Variants in DNAH14 observed in about 807,000 individuals in gnomAD.
DNAH14 encodes the protein axonemal beta dynein heavy chain 14.
Under a neutral mutation model 520.9 loss-of-function variants are expected in DNAH14, and 478 were observed. That is an observed-to-expected ratio of 0.92 (90% CI 0.85 to 0.99). The LOEUF (loss-of-function observed/expected upper bound fraction) is 0.99. DNAH14 is among the 50% of genes least tolerant of loss of function. The pLI is 0.00. For synonymous variants in DNAH14, 1,581 were observed against 1,757.2 expected (o/e 0.90, Z 2.51); for missense variants, 4,831 against 5,234.5 (o/e 0.92, Z 2.38).
chr1:225,002,995 G>T, intron 9 of DNAH14, 68 bp downstream of exon 9: 1 of 1,278,186 alleles, frequency 7.8e-7, no homozygotes, highest in South Asian at 2.0e-5. Context: ...ATAGCATTTT[G>T]AATTAAAAAA....
At chr1:225,035,106 T>G (rs1024729725) in intron 11 of DNAH14, among the ~76,000 whole-genome samples, 3 of 152,116 alleles carry the variant, frequency 2.0e-5, no homozygotes, top group African/African-American at 7.2e-5. Context: ...GCTCTGATTT[T>G]GGTTATTTCT....
chr1:224,986,347 CA>C (rs1363926745), intron 8 of DNAH14, among the ~76,000 whole-genome samples: 1 of 133,100 alleles, frequency 7.5e-6, no homozygotes, highest in African/African-American at 2.8e-5. Flanking sequence ...AAGAAAACTA[CA>C]GGCCAATATC....
At chr1:225,095,310 T>C (rs905437490) in intron 21 of DNAH14, among the ~76,000 whole-genome samples, 5 of 151,710 alleles carry the variant, frequency 3.3e-5, no homozygotes, top group African/African-American at 9.7e-5. Flanking sequence ...AAGGGATATA[T>C]GCAGCCATAA....
At chr1:225,147,609 C>A (rs924540649) in intron 31 of DNAH14, among the ~76,000 whole-genome samples, 6 of 152,106 alleles carry the variant, frequency 3.9e-5, no homozygotes, top group African/African-American at 1.4e-4. Flanking sequence ...AGAACCCAAA[C>A]AAATGCTGCT....
At chr1:225,304,767 C>T (rs956419873) in intron 57 of DNAH14, 141 bp from the exon 58 acceptor site, 9 of 782,230 alleles carry the variant, frequency 1.2e-5, no homozygotes, top group African/African-American at 1.8e-5. Flanking sequence ...TTTTCTTTGT[C>T]CTGCTCATCC....
At chr1:225,128,326 A>C (rs1476581730) in intron 27 of DNAH14, among the ~76,000 whole-genome samples, 1 of 152,196 alleles carries the variant, frequency 6.6e-6, no homozygotes, top group Non-Finnish European at 1.5e-5. Context: ...TGAGGCCAGC[A>C]TCATCCTGAT....
chr1:225,004,985 A>C (rs2064055094), intron 9 of DNAH14, among the ~76,000 whole-genome samples: 1 of 152,180 alleles, frequency 6.6e-6, no homozygotes, highest in East Asian at 1.9e-4. Flanking sequence ...TCTTTGTTCA[A>C]ATCTTCACTT....
chr1:225,245,774 A>G (rs566159688), intron 43 of DNAH14, among the ~76,000 whole-genome samples: 159 of 152,300 alleles, frequency 1.0e-3, no homozygotes, highest in African/African-American at 3.3e-3. Flanking sequence ...GGAAGAATCA[A>G]TATCGTGAAA....
chr1:225,016,004 T>C (rs2065189116), intron 10 of DNAH14, among the ~76,000 whole-genome samples: 1 of 152,192 alleles, frequency 6.6e-6, no homozygotes, highest in Admixed American at 6.5e-5. Context: ...AATGAATTTT[T>C]TGGCATGATG....
intron 7 of DNAH14, among the ~76,000 whole-genome samples, chr1:224,970,308 C>T (rs2125620952): frequency 6.6e-6 from 1 of 152,278 alleles, no homozygotes; most frequent in Middle Eastern, 3.4e-3. Flanking sequence ...GTTGTCTGCT[C>T]TCAAACCCTG....
intron 16 of DNAH14, among the ~76,000 whole-genome samples, chr1:225,050,994 T>C (rs939243587): frequency 6.6e-6 from 1 of 152,180 alleles, no homozygotes; most frequent in African/African-American, 2.4e-5. Context: ...ATGCCACTTC[T>C]GATCTTGCAG....
At chr1:225,175,852 G>A (rs2083269872) in intron 36 of DNAH14, among the ~76,000 whole-genome samples, 1 of 151,796 alleles carries the variant, frequency 6.6e-6, no homozygotes, top group African/African-American at 2.4e-5. Flanking sequence ...TGCACCTCCA[G>A]GGTTCAAGCG....
rs2149091805 is a variant in DNAH14, at chr1:225,152,012, C to T, written c.4948C>T (p.Leu1650=). 1 of 1,551,422 alleles carries T rather than the reference C, an allele frequency of 6.4e-7. No homozygotes were observed. The highest frequency in any genetic ancestry group is 8.7e-7 in the Non-Finnish European group (1 of 1,146,766). Residue 1650 remains leucine (L), a synonymous_variant, in exon 32 of 86, where the codon CTG becomes TTG. Transcript: ENST00000682510. ...AKDNYSARFV[L]EGKEIRINMS... Reference sequence around the variant, plus strand: ...TACTGTAATGTCTTTTAGGTTTGTACTGGAAGGAAAAGAAATTCGTATCAA... The same window carrying T: ...TACTGTAATGTCTTTTAGGTTTGTATTGGAAGGAAAAGAAATTCGTATCAA...
intron 8 of DNAH14, among the ~76,000 whole-genome samples, chr1:224,974,509 CTT>C (rs2061686099): frequency 6.6e-6 from 1 of 152,108 alleles, no homozygotes; most frequent in African/African-American, 2.4e-5. Flanking sequence ...TTTTATTAAA[CTT>C]TTTATTTTGA....
At position 225,300,956 on chromosome 1, in the gene DNAH14, A is replaced by G. The variant is rs373274946; in HGVS notation, c.8557A>G (p.Met2853Val). ...FENVELDSIA[M>V]KIRYLTEQSG... is the part of the protein sequence containing the mutation. The stretch of plus-strand genomic sequence containing the variant: ...AAATGTTGAGCTGGATTCTATTGCA[A>G]TGAAAATCAGATATCTTACTGAACA... Residue 2853 changes from methionine to valine, a missense_variant, in exon 56 of 86, where the codon ATG (methionine) becomes GTG (valine). Coordinates refer to ENST00000682510, the MANE Select transcript of DNAH14 (RefSeq NM_001367479.1). 90 of 1,551,452 alleles carry G rather than the reference A, an allele frequency of 5.8e-5. No homozygotes were observed. In the African/African-American group the frequency reaches 1.1e-3, roughly 19 times the overall value.
intron 55 of DNAH14, among the ~76,000 whole-genome samples, chr1:225,292,744 C>A (rs2093920866): frequency 1.3e-5 from 2 of 151,978 alleles, no homozygotes; most frequent in South Asian, 4.2e-4. Flanking sequence ...GGATGTCTTT[C>A]CATTTGTTTG....
intron 60 of DNAH14, among the ~76,000 whole-genome samples, chr1:225,315,629 G>T (rs561931002): frequency 2.2e-3 from 338 of 152,212 alleles, no homozygotes; most frequent in Non-Finnish European, 3.6e-3. Context: ...GTTTTTGTGT[G>T]GTTGTCCTTT....
chr1:225,090,991 A>T (rs2074334201), intron 21 of DNAH14, among the ~76,000 whole-genome samples: 1 of 152,144 alleles, frequency 6.6e-6, no homozygotes, highest in South Asian at 2.1e-4. Context: ...AAGGACTTGT[A>T]TCCAGAATAT....
At chr1:225,257,862 A>C in intron 44 of DNAH14, 98 bp from the exon 45 acceptor site, 1 of 1,019,008 alleles carries the variant, frequency 9.8e-7, no homozygotes, top group Non-Finnish European at 1.4e-6. Flanking sequence ...ATATACAATT[A>C]ATGAAAATAA....
Sources: allele counts gnomAD v4.1 joint callset (sites outside exome capture counted in the v4.1 genomes callset), GRCh38; gene constraint gnomAD v4.1.1; transcripts MANE v1.5; gene names NCBI Gene and HGNC (gene_info 2026-07-23, HGNC 2026-07-21).